SUGP2: variants seen among roughly 807,000 people sequenced by gnomAD.
The protein encoded by SUGP2 is SURP and G-patch domain-containing protein 2.
In SUGP2, 24 loss-of-function variants were observed where a neutral mutation model predicts 90.5. That is an observed-to-expected ratio of 0.27 (90% CI 0.19 to 0.37). The LOEUF is 0.37. SUGP2 is among the 10% of genes least tolerant of loss of function. The pLI is 1.00. For missense variants in SUGP2, 1,233 were observed against 1,363.3 expected (o/e 0.90, Z 1.51); for synonymous variants, 473 against 513.4 (o/e 0.92, Z 1.06).
rs761612421 is a variant in SUGP2 at position 19,010,204 on chromosome 19, G to A, written c.1989C>T (p.Tyr663=). The A allele has an allele frequency of 5.6e-6, 9 of 1,614,054 alleles. No homozygotes were observed. The highest frequency in any genetic ancestry group is 4.5e-5 in the East Asian group (2 of 44,862). Residue 663 remains tyrosine (Y), a synonymous_variant, in exon 5 of 11, where the codon TAC becomes TAT. Coordinates refer to ENST00000452918, the MANE Select transcript of SUGP2 (RefSeq NM_001017392.5). ...TCTTGAGGTTGCGGACAGCCCGGGA[G>A]TACAGCATGGCCCTCACTGCACAGT... The part of the protein sequence containing the change: ...SADCAVRAML[Y]SRAVRNLKKK...
intron 10 of SUGP2, 48 bp downstream of exon 10, chr19:18,994,318 G>A: frequency 6.3e-7 from 1 of 1,589,742 alleles, no homozygotes; most frequent in Non-Finnish European, 8.6e-7. Context: ...CTGCATACCA[G>A]CACGCCAGCG....
intron 4 of SUGP2, among the ~76,000 whole-genome samples, chr19:19,016,763 C>A (rs925725007): frequency 9.2e-5 from 14 of 152,166 alleles, no homozygotes; most frequent in African/African-American, 3.4e-4. Context: ...ATTCAACCAG[C>A]TAGTGCTTAA....
chr19:19,015,678 T>C (rs898417640), intron 4 of SUGP2, among the ~76,000 whole-genome samples: 6 of 152,286 alleles, frequency 3.9e-5, no homozygotes, highest in African/African-American at 1.4e-4. Context: ...TAATTTTTTG[T>C]ATTTTTATTA....
At chr19:19,021,159 C>CAAAAAAAAAA (rs386388689) in intron 3 of SUGP2, among the ~76,000 whole-genome samples, 4 of 66,924 alleles carry the variant, frequency 6.0e-5, no homozygotes, top group Non-Finnish European at 1.0e-4. Context: ...AATTCCATCT[C>CAAAAAAAAAA]AAAAAAAAAA....
chr19:19,014,804 CA>C (rs202072636), intron 4 of SUGP2, among the ~76,000 whole-genome samples: 5,432 of 131,152 alleles, frequency 0.041, 368 homozygotes, highest in East Asian at 0.35. Context: ...TCTCTTTAAA[CA>C]AAAAAAAAAA....
At chr19:19,021,995 C>CT (rs1568443840) in intron 3 of SUGP2, among the ~76,000 whole-genome samples, 1 of 150,944 alleles carries the variant, frequency 6.6e-6, no homozygotes, top group Non-Finnish European at 1.5e-5. Context: ...TCTTTTTTTT[C>CT]TTTTTTTGGA....
intron 4 of SUGP2, among the ~76,000 whole-genome samples, chr19:19,013,388 C>G (rs1456130108): frequency 6.6e-6 from 1 of 152,174 alleles, no homozygotes; most frequent in Non-Finnish European, 1.5e-5. Context: ...TTTCCCATCT[C>G]TGTGTTTTCC....
In SUGP2 at chr19:18,995,974, G is replaced by C. The variant is rs547710424; in HGVS notation, c.2992-694C>G. 2.0e-5 allele frequency among the ~76,000 whole-genome samples: 3 copies of C among 152,202 alleles called. No homozygotes were observed. The South Asian group carries it at 6.2e-4, about 32-fold the overall frequency. On this transcript the variant is annotated intron_variant, in intron 8 of 10. Coordinates refer to ENST00000452918, the MANE Select transcript of SUGP2 (RefSeq NM_001017392.5). ...CAGGGCCCTGGGGCCTCTGGAGGAG[G>C]AGCCTGCAGGGCTGTAGCAGAAGGA...
At chr19:19,033,177 A>C in intron 1 of SUGP2, 1 of 207,728 alleles carries the variant, frequency 4.8e-6, no homozygotes, top group Non-Finnish European at 8.9e-6. Flanking sequence ...TTCGGGAGGA[A>C]TGAATGAACG....
chr19:19,022,393 T>C (rs1297363098), intron 3 of SUGP2, among the ~76,000 whole-genome samples: 1 of 152,196 alleles, frequency 6.6e-6, no homozygotes, highest in African/African-American at 2.4e-5. Flanking sequence ...GGCTTGCAGA[T>C]GCTAACTACA....
intron 4 of SUGP2, among the ~76,000 whole-genome samples, chr19:19,012,446 C>T (rs1009822055): frequency 8.5e-5 from 13 of 152,156 alleles, no homozygotes; most frequent in Admixed American, 7.2e-4. Flanking sequence ...GATGTCAGTC[C>T]CAAATGCATC....
intron 7 of SUGP2, 31 bp downstream of exon 7, chr19:19,004,137 G>GAT: frequency 6.7e-7 from 1 of 1,495,188 alleles, no homozygotes; most frequent in Non-Finnish European, 9.0e-7. Context: ...AACTGTGCTA[G>GAT]AGGCAACTGT....
chr19:19,009,204 C>T (rs574187741), intron 5 of SUGP2, among the ~76,000 whole-genome samples: 10 of 152,278 alleles, frequency 6.6e-5, no homozygotes, highest in African/African-American at 1.9e-4. Context: ...TGAGCCACCA[C>T]GCCCAGCTGA....
At chr19:19,012,821 G>A (rs2058354911) in intron 4 of SUGP2, among the ~76,000 whole-genome samples, 1 of 151,622 alleles carries the variant, frequency 6.6e-6, no homozygotes, top group African/African-American at 2.4e-5. Context: ...TCCTACCATG[G>A]TTTTGGATTC....
At chr19:19,008,701 A>G (rs1185282359) in intron 5 of SUGP2, among the ~76,000 whole-genome samples, 3 of 152,170 alleles carry the variant, frequency 2.0e-5, no homozygotes, top group Non-Finnish European at 2.9e-5. Flanking sequence ...GGACTTGAGT[A>G]CTTCCACTGT....
intron 8 of SUGP2, among the ~76,000 whole-genome samples, chr19:19,000,449 G>A (rs546712730): frequency 3.9e-5 from 6 of 152,306 alleles, no homozygotes; most frequent in South Asian, 2.1e-4. Flanking sequence ...GTGGACAGTC[G>A]GGACCTGGCA....
intron 8 of SUGP2, among the ~76,000 whole-genome samples, chr19:19,001,004 T>C (rs2057809072): frequency 6.6e-6 from 1 of 151,672 alleles, no homozygotes; most frequent in African/African-American, 2.4e-5. Context: ...CCAATCGGCC[T>C]TAGCTTGAAC....
rs750988612 is a variant in SUGP2, at chr19:19,026,224, G to T, written c.124C>A (p.Leu42Ile). ...CTGGATCTTGGGACTGCCCTTAAGA[G>T]ATCTGAAATAAACCATCCAAAAAAA... ...SETLQFKAQD[L>I]LRAVPRSRAE... Residue 42 changes from leucine (L) to isoleucine (I), a missense_variant and splice_region_variant, in exon 3 of 11, where the codon CTC becomes ATC. Physicochemically the swap from Leu to Ile is conservative, Grantham distance 5 (BLOSUM62 2). Coordinates refer to ENST00000452918, the MANE Select transcript of SUGP2 (RefSeq NM_001017392.5). The T allele has an allele frequency of 3.9e-6, 6 of 1,536,968 alleles. No homozygotes were observed. The East Asian group carries it at 1.4e-4, about 35-fold the overall frequency.
At chr19:19,010,662 AT>A (rs1226567880) in intron 4 of SUGP2, among the ~76,000 whole-genome samples, 1 of 152,218 alleles carries the variant, frequency 6.6e-6, no homozygotes, top group Non-Finnish European at 1.5e-5. Context: ...GGCAGGCAGA[AT>A]TGACACCTTT....
Sources: allele counts gnomAD v4.1 joint callset (sites outside exome capture counted in the v4.1 genomes callset), GRCh38; gene constraint gnomAD v4.1.1; transcripts MANE v1.5; gene names NCBI Gene and HGNC (gene_info 2026-07-23, HGNC 2026-07-21).